The following SESN3 variants were observed in gnomAD, a reference collection of about 807,000 sequenced individuals.
The protein encoded by SESN3 is sestrin-3.
In SESN3, 21 loss-of-function variants were observed where a neutral mutation model predicts 55.3. The observed-to-expected ratio is 0.38, with a 90% CI of 0.27 to 0.55. SESN3 has a LOEUF of 0.55. SESN3 is among the 20% of genes least tolerant of loss of function. SESN3 has a pLI of 0.76. For missense variants in SESN3, 408 were observed against 604.3 expected (o/e 0.68, Z 3.41); for synonymous variants, 181 against 203.1 (o/e 0.89, Z 0.93).
chr11:95,216,784 C>T (rs1860765854), intron 1 of SESN3, among the ~76,000 whole-genome samples: 1 of 151,692 alleles, frequency 6.6e-6, no homozygotes, highest in Non-Finnish European at 1.5e-5. Context: ...ACACAGATGT[C>T]TTGTAGTTTA....
rs938917293 is a variant in SESN3 at position 95,171,390 on chromosome 11, A to C, written c.*1865T>G. ...TAAAAATATTAGTAATTTTTTCCTCACATGGAAGATTTCAAACAGGATCCT... is the reference window on the plus strand; with the variant it reads ...TAAAAATATTAGTAATTTTTTCCTCCCATGGAAGATTTCAAACAGGATCCT... On this transcript the variant is annotated 3_prime_UTR_variant, in exon 10 of 10. Coordinates refer to ENST00000536441, the MANE Select transcript of SESN3 (RefSeq NM_144665.4). The C allele has an allele frequency of 6.6e-6, 1 of 152,172 alleles. No individual in the cohort carries two copies. Among genetic ancestry groups the C allele is most frequent in the Admixed American group, 6.5e-5 (1 of 15,280 alleles). The allele number at this position is 152,172 out of a possible 1,614,324, so 9.4% of individuals were successfully genotyped here.
At chr11:95,181,978 G>A (rs760242144) in intron 6 of SESN3, among the ~76,000 whole-genome samples, 21 of 151,952 alleles carry the variant, frequency 1.4e-4, no homozygotes, top group Non-Finnish European at 2.6e-4. Context: ...GAATATATAT[G>A]TATGCGGAGG....
At position 95,215,889 on chromosome 11, in the gene SESN3, G is replaced by A. The variant is rs958391112; in HGVS notation, c.78+14894C>T. 1.4e-4 allele frequency among the ~76,000 whole-genome samples: 21 copies of A among 152,098 alleles called. No individual in the cohort carries two copies. The South Asian group carries it at 2.7e-3, about 20-fold the overall frequency. On this transcript the variant is annotated intron_variant, in intron 1 of 9. Coordinates refer to ENST00000536441, the MANE Select transcript of SESN3 (RefSeq NM_144665.4). ...CGAGGCGGGCGGATCACGAGGTCAG[G>A]AGATCGAGACCATCCTGGCTAAAAC... is the stretch of plus-strand genomic sequence containing the variant.
At chr11:95,211,486 T>C (rs1014786875) in intron 1 of SESN3, among the ~76,000 whole-genome samples, 3 of 152,130 alleles carry the variant, frequency 2.0e-5, no homozygotes, top group Non-Finnish European at 4.4e-5. Context: ...ACATCATCTA[T>C]ACAACTATAA....
At chr11:95,199,072 T>G (rs1860415488) in intron 1 of SESN3, among the ~76,000 whole-genome samples, 1 of 151,994 alleles carries the variant, frequency 6.6e-6, no homozygotes. Flanking sequence ...TTGAAATCAC[T>G]AACTAAAAAG....
chr11:95,194,232 A>T (rs1341545860), intron 1 of SESN3, among the ~76,000 whole-genome samples: 1 of 152,056 alleles, frequency 6.6e-6, no homozygotes, highest in African/African-American at 2.4e-5. Flanking sequence ...TAAAAATTCG[A>T]ATCAGAGAAT....
chr11:95,178,980 T>C lies in SESN3; in HGVS notation c.938-152A>G, dbSNP rs2134219322. 3 of 521,432 alleles carry C rather than the reference T, an allele frequency of 5.8e-6. No individual in the cohort carries two copies. In the East Asian group the frequency reaches 8.7e-5, roughly 15 times the overall value. 32.3% of individuals were successfully genotyped at this position (521,432 alleles called of 1,614,324 possible). On this transcript the variant is annotated intron_variant, in intron 6 of 9. Coordinates refer to ENST00000536441, the MANE Select transcript of SESN3 (RefSeq NM_144665.4). ...TGACTTTATATAAAATATCTACTGC[T>C]AAAGTTTTAAATATAATTTCATTAC...
intron 1 of SESN3, among the ~76,000 whole-genome samples, chr11:95,195,170 G>A (rs1279132668): frequency 3.3e-5 from 5 of 151,816 alleles, no homozygotes; most frequent in Admixed American, 3.3e-4. Flanking sequence ...ATGGACAATG[G>A]GATTTTGGAA....
At chr11:95,228,303 A>G (rs1860985229) in intron 1 of SESN3, among the ~76,000 whole-genome samples, 1 of 152,234 alleles carries the variant, frequency 6.6e-6, no homozygotes, top group Non-Finnish European at 1.5e-5. Context: ...TCTGTCCCAT[A>G]TAAAGGTGAC....
rs1025876646 is a variant in SESN3 at position 95,179,743 on chromosome 11, A to G, written c.938-915T>C. On this transcript the variant is annotated intron_variant, in intron 6 of 9. Transcript: ENST00000536441. ...AGTTTGTGAACATTCACTGAGCTTTATGCCTAAGATATGTGCACTTTTCTA... is the reference window on the plus strand; with the variant it reads ...AGTTTGTGAACATTCACTGAGCTTTGTGCCTAAGATATGTGCACTTTTCTA... 3.3e-5 allele frequency among the ~76,000 whole-genome samples: 5 copies of G among 152,302 alleles called. No homozygotes were observed. In the South Asian group the frequency reaches 8.3e-4, roughly 25 times the overall value.
At chr11:95,221,042 C>G (rs2134266855) in intron 1 of SESN3, among the ~76,000 whole-genome samples, 1 of 152,222 alleles carries the variant, frequency 6.6e-6, no homozygotes, top group South Asian at 2.1e-4. Context: ...GTGGCTCGTG[C>G]CTTTAATCCT....
upstream of SESN3, chr11:95,231,987 A>G (rs1283850893): frequency 2.0e-5 from 3 of 152,130 alleles, no homozygotes; most frequent in Admixed American, 6.5e-5. Flanking sequence ...GTTATCTTAG[A>G]GATGTAAGTT....
intron 6 of SESN3, among the ~76,000 whole-genome samples, chr11:95,179,661 A>G (rs1860025480): frequency 6.6e-6 from 1 of 152,158 alleles, no homozygotes; most frequent in African/African-American, 2.4e-5. Flanking sequence ...AGGAGAGCAG[A>G]GTTTTTGATG....
At chr11:95,193,130 T>C (rs1860298585) in intron 2 of SESN3, among the ~76,000 whole-genome samples, 1 of 152,032 alleles carries the variant, frequency 6.6e-6, no homozygotes, top group Non-Finnish European at 1.5e-5. Flanking sequence ...CTATTGTCAC[T>C]GAGCTCCCGA....
chr11:95,221,109 C>A (rs564854702), intron 1 of SESN3, among the ~76,000 whole-genome samples: 3 of 152,146 alleles, frequency 2.0e-5, no homozygotes, highest in African/African-American at 7.2e-5. Flanking sequence ...TCGAAGCCAG[C>A]GTGGCCAACA....
intron 1 of SESN3, among the ~76,000 whole-genome samples, chr11:95,207,124 G>C (rs995688966): frequency 6.6e-6 from 1 of 151,176 alleles, no homozygotes; most frequent in African/African-American, 2.4e-5. Context: ...GTGAACACCA[G>C]AGGCCTGCAC....
At chr11:95,231,385 A>C (rs567813006), upstream of SESN3, 4 of 372,614 alleles carry the variant, frequency 1.1e-5, no homozygotes, top group African/African-American at 6.3e-5. Flanking sequence ...ATCTCCGGGC[A>C]AGTTAAGTTT....
chr11:95,166,586 T>C lies in SESN3; in HGVS notation c.*6669A>G, dbSNP rs909709948. ...TTTAAAAAGAGTTTTCAAGTTCAAC[T>C]TCTATTTCATAAGTTAAAAGATGCG... is the stretch of plus-strand genomic sequence containing the variant. On this transcript the variant is annotated 3_prime_UTR_variant, in exon 10 of 10. Transcript: ENST00000536441. 23 of 152,350 alleles carry C rather than the reference T, an allele frequency of 1.5e-4. No individual in the cohort carries two copies. The highest frequency in any genetic ancestry group is 5.3e-4 in the African/African-American group (22 of 41,584). The allele number at this position is 152,350 out of a possible 1,614,324, so 9.4% of individuals were successfully genotyped here. A position where few individuals can be genotyped will look rare whatever the true frequency, so the allele number is the denominator to read the frequency against.
chr11:95,199,252 C>G (rs1483358880), intron 1 of SESN3, among the ~76,000 whole-genome samples: 1 of 151,994 alleles, frequency 6.6e-6, no homozygotes, highest in Non-Finnish European at 1.5e-5. Flanking sequence ...AAAATAGGAA[C>G]TCACACTTTC....
Sources: gnomAD v4.1 joint callset for allele counts (sites outside exome capture counted in the v4.1 genomes callset) on GRCh38, gnomAD v4.1.1 for gene constraint, MANE v1.5 for transcripts, NCBI Gene and HGNC (gene_info 2026-07-23, HGNC 2026-07-21) for gene names.